Variants in ZFAND3 observed in about 807,000 individuals in gnomAD.
The protein encoded by ZFAND3 is zinc finger AN1-type containing 3.
ZFAND3 carries 10 observed loss-of-function variants against 29.6 expected under a neutral mutation model. That is an observed-to-expected ratio of 0.34 (90% CI 0.21 to 0.57). ZFAND3 has a LOEUF of 0.57. ZFAND3 is among the 20% of genes least tolerant of loss of function. ZFAND3 has a pLI of 0.86. For synonymous variants in ZFAND3, 128 were observed against 112.6 expected (o/e 1.14, Z -0.87); for missense variants, 230 against 304.5 (o/e 0.76, Z 1.82).
chr6:38,067,510 A>C (rs1160477054), intron 3 of ZFAND3, among the ~76,000 whole-genome samples: 2 of 152,252 alleles, frequency 1.3e-5, no homozygotes, highest in Admixed American at 6.5e-5. Context: ...AGGACATTGC[A>C]TGCAAATTAG....
At chr6:37,894,934 T>C (rs1321830107) in intron 1 of ZFAND3, among the ~76,000 whole-genome samples, 1 of 152,178 alleles carries the variant, frequency 6.6e-6, no homozygotes, top group Non-Finnish European at 1.5e-5. Context: ...TAATTTGTCT[T>C]TATCACTGGT....
intron 2 of ZFAND3, among the ~76,000 whole-genome samples, chr6:37,981,148 A>G (rs761872103): frequency 1.3e-5 from 2 of 152,246 alleles, no homozygotes; most frequent in Non-Finnish European, 2.9e-5. Context: ...GTTCCAGCCT[A>G]GAGGCTGATA....
In ZFAND3 at chr6:38,030,083, TATATATATATATATATATAG is replaced by T. The variant is rs1450992974; in HGVS notation, c.113-31509_113-31490del. Among the ~76,000 whole-genome samples the T allele has an allele frequency of 1.2e-4, 7 of 59,686 alleles. 1 individual carries two copies. Among genetic ancestry groups the T allele is most frequent in the African/African-American group, 3.5e-4 (7 of 20,216 alleles). The allele number at this position is 59,686 out of a possible 152,430, so 39.2% of individuals were successfully genotyped here. A position where few individuals can be genotyped will look rare whatever the true frequency, so the allele number is the denominator to read the frequency against. On this transcript the variant is annotated intron_variant, in intron 2 of 5. Transcript: ENST00000287218. ...ATATATATATATATATATATATATA[TATATATATATATATATATAG>T]CCTGAGAAGGTCTTCTTTTCATGTC...
chr6:38,000,124 A>T (rs774208982), intron 2 of ZFAND3, among the ~76,000 whole-genome samples: 20 of 152,136 alleles, frequency 1.3e-4, no homozygotes, highest in Admixed American at 2.6e-4. Context: ...AACAATTTTT[A>T]AAAAAATAAA....
intron 2 of ZFAND3, among the ~76,000 whole-genome samples, chr6:37,949,236 G>C (rs190642879): frequency 2.0e-5 from 3 of 152,154 alleles, no homozygotes; most frequent in East Asian, 3.9e-4. Flanking sequence ...TTTCATGTTT[G>C]TTGGCCACAT....
At chr6:37,979,865 TGCTGAGTAGGACCA>T (rs1446052833) in intron 2 of ZFAND3, among the ~76,000 whole-genome samples, 58 of 152,348 alleles carry the variant, frequency 3.8e-4, no homozygotes, top group Admixed American at 3.7e-3. Context: ...TTACCACATC[TGCTGAGTAGGACCA>T]GCTATATAAT....
chr6:37,989,312 A>G (rs951405381), intron 2 of ZFAND3, among the ~76,000 whole-genome samples: 23 of 152,196 alleles, frequency 1.5e-4, no homozygotes, highest in Non-Finnish European at 7.4e-5. Context: ...TTGGGTGGCT[A>G]AAACAATAAA....
At chr6:38,026,790 A>T (rs897450553) in intron 2 of ZFAND3, among the ~76,000 whole-genome samples, 1 of 120,136 alleles carries the variant, frequency 8.3e-6, no homozygotes, top group African/African-American at 3.1e-5. Context: ...TAATAACCAG[A>T]GAGAGAGAGA....
At chr6:37,848,697 C>G (rs190006112) in intron 1 of ZFAND3, among the ~76,000 whole-genome samples, 135 of 152,248 alleles carry the variant, frequency 8.9e-4, no homozygotes, top group African/African-American at 3.0e-3. Context: ...AGCTGTCTCG[C>G]TTAGAATGTA....
chr6:37,821,968 A>C (rs1472872480), intron 1 of ZFAND3, among the ~76,000 whole-genome samples: 5 of 152,092 alleles, frequency 3.3e-5, no homozygotes, highest in Non-Finnish European at 7.4e-5. Context: ...CAAGTAGCTG[A>C]GACTGCAGGT....
At chr6:38,144,224 TATA>T (rs1766050607) in intron 5 of ZFAND3, among the ~76,000 whole-genome samples, 1 of 73,202 alleles carries the variant, frequency 1.4e-5, no homozygotes, top group East Asian at 2.7e-4. Flanking sequence ...ATATAATATA[TATA>T]TATATTTTTT....
intron 1 of ZFAND3, among the ~76,000 whole-genome samples, chr6:37,829,610 A>T (rs1279609375): frequency 6.6e-6 from 1 of 152,222 alleles, no homozygotes; most frequent in Non-Finnish European, 1.5e-5. Flanking sequence ...ACTTGCATGT[A>T]GAAACTTTTA....
intron 1 of ZFAND3, among the ~76,000 whole-genome samples, chr6:37,911,331 G>A (rs1765517512): frequency 6.6e-6 from 1 of 152,090 alleles, no homozygotes; most frequent in Admixed American, 6.6e-5. Context: ...TTAGCTATTT[G>A]TATGTCGTCT....
chr6:37,958,083 A>T (rs1397660571), intron 2 of ZFAND3, among the ~76,000 whole-genome samples: 1 of 152,276 alleles, frequency 6.6e-6, no homozygotes, highest in East Asian at 1.9e-4. Context: ...ATAAAATTTT[A>T]AAAAATATTT....
At chr6:37,847,435 G>A (rs1344510471) in intron 1 of ZFAND3, among the ~76,000 whole-genome samples, 2 of 152,054 alleles carry the variant, frequency 1.3e-5, no homozygotes, top group South Asian at 2.1e-4. Context: ...TTAGCTGGGT[G>A]TGGTGGCATT....
rs1020262746 is a variant in ZFAND3, at chr6:38,154,324, G to A, written c.*1935G>A. ...AGGCAGCCATGGGAAGGAGCCCAGGGGAGCTGGCCTGGGGGAGCGAAGCCC... is the reference window on the plus strand; with the variant it reads ...AGGCAGCCATGGGAAGGAGCCCAGGAGAGCTGGCCTGGGGGAGCGAAGCCC... On this transcript the variant is annotated 3_prime_UTR_variant, in exon 6 of 6. Transcript: ENST00000287218. 8.1e-6 allele frequency: 8 copies of A among 985,112 alleles called. No individual in the cohort carries two copies. The African/African-American group carries it at 1.2e-4, about 15-fold the overall frequency. The allele number at this position is 985,112 out of a possible 1,614,324, so 61.0% of individuals were successfully genotyped here.
At chr6:38,134,582 A>G (rs1562012090) in intron 5 of ZFAND3, among the ~76,000 whole-genome samples, 3 of 152,194 alleles carry the variant, frequency 2.0e-5, no homozygotes, top group Non-Finnish European at 4.4e-5. Context: ...TGCTGGACTG[A>G]CAGCCTAACA....
intron 4 of ZFAND3, among the ~76,000 whole-genome samples, chr6:38,086,621 C>A (rs1007651676): frequency 2.0e-5 from 3 of 152,164 alleles, no homozygotes; most frequent in Non-Finnish European, 4.4e-5. Context: ...AAGAAGATTC[C>A]CTTTTGTCCC....
chr6:37,950,686 T>C (rs1174731091), intron 2 of ZFAND3, among the ~76,000 whole-genome samples: 1 of 152,046 alleles, frequency 6.6e-6, no homozygotes, highest in African/African-American at 2.4e-5. Context: ...ACCTGTTGAC[T>C]TTGTTGATGG....
Sources: gnomAD v4.1 joint callset for allele counts (sites outside exome capture counted in the v4.1 genomes callset) on GRCh38, gnomAD v4.1.1 for gene constraint, MANE v1.5 for transcripts, NCBI Gene and HGNC (gene_info 2026-07-23, HGNC 2026-07-21) for gene names.